SRBD1: variants seen among roughly 807,000 people sequenced by gnomAD.
The protein encoded by SRBD1 is S1 RNA binding domain 1, also known as S1 RNA-binding domain-containing protein 1.
Under a neutral mutation model 115.3 loss-of-function variants are expected in SRBD1, and 88 were observed. That is an observed-to-expected ratio of 0.76 (90% CI 0.64 to 0.91). The LOEUF is 0.91. SRBD1 is among the 40% of genes least tolerant of loss of function. The pLI, the probability that SRBD1 is intolerant of heterozygous loss-of-function variation, is 0.00. For synonymous variants in SRBD1, 509 were observed against 407.7 expected (o/e 1.25, Z -2.99); for missense variants, 1,385 against 1,177.4 (o/e 1.18, Z -2.58).
intron 16 of SRBD1, among the ~76,000 whole-genome samples, chr2:45,457,463 A>T (rs1255054236): frequency 6.6e-6 from 1 of 151,916 alleles, no homozygotes; most frequent in Admixed American, 6.6e-5. Flanking sequence ...TGCATATGAA[A>T]ATATTCACCT....
intron 16 of SRBD1, among the ~76,000 whole-genome samples, chr2:45,450,904 C>A (rs991107292): frequency 6.6e-6 from 1 of 152,114 alleles, no homozygotes; most frequent in African/African-American, 2.4e-5. Flanking sequence ...TCAATCAAAT[C>A]TGAGCATAAG....
Position 45,388,998 on chromosome 2 carries a change from C to T in SRBD1, c.*312G>A, listed in dbSNP as rs1666921702. The T allele has an allele frequency of 7.6e-6, 2 of 263,730 alleles. No homozygotes were observed. The highest frequency in any genetic ancestry group is 1.4e-5 in the Non-Finnish European group (2 of 139,150). The allele number at this position is 263,730 out of a possible 1,614,324, so 16.3% of individuals were successfully genotyped here. Reference sequence around the variant, plus strand: ...TGTTGGCAAGTAGAAGTTAAGCAATCTGTTATACAAAATGCAAAAGGAGTT... The same window carrying T: ...TGTTGGCAAGTAGAAGTTAAGCAATTTGTTATACAAAATGCAAAAGGAGTT... On this transcript the variant is annotated 3_prime_UTR_variant, in exon 21 of 21. Transcript: ENST00000263736.
intron 4 of SRBD1, among the ~76,000 whole-genome samples, chr2:45,591,426 T>C (rs1673720787): frequency 6.6e-6 from 1 of 152,172 alleles, no homozygotes; most frequent in Non-Finnish European, 1.5e-5. Flanking sequence ...CTGATTTGAG[T>C]AATACTAAAA....
intron 19 of SRBD1, among the ~76,000 whole-genome samples, chr2:45,407,162 T>C (rs2103844241): frequency 6.6e-6 from 1 of 152,288 alleles, no homozygotes; most frequent in South Asian, 2.1e-4. Context: ...ATAATAATAG[T>C]ACCAACCTCA....
chr2:45,580,502 C>T (rs185249550), intron 6 of SRBD1, among the ~76,000 whole-genome samples: 4 of 145,654 alleles, frequency 2.7e-5, no homozygotes, highest in East Asian at 4.0e-4. Flanking sequence ...CGCACCACTA[C>T]GTCCAGCTAT....
At chr2:45,552,333 ATTATT>A (rs1489205471) in intron 11 of SRBD1, among the ~76,000 whole-genome samples, 2 of 152,210 alleles carry the variant, frequency 1.3e-5, no homozygotes, top group Non-Finnish European at 2.9e-5. Flanking sequence ...AATAAGTTAT[ATTATT>A]TTAACCATGG....
At chr2:45,504,772 G>A (rs1255904197) in intron 14 of SRBD1, among the ~76,000 whole-genome samples, 1 of 152,052 alleles carries the variant, frequency 6.6e-6, no homozygotes, top group Admixed American at 6.6e-5. Context: ...AAGCGGCAAG[G>A]ACCTTAAACA....
intron 16 of SRBD1, among the ~76,000 whole-genome samples, chr2:45,458,144 T>C (rs1164715846): frequency 6.6e-6 from 1 of 152,078 alleles, no homozygotes; most frequent in Non-Finnish European, 1.5e-5. Context: ...TTGGAGTTTA[T>C]GAAAATAAAA....
At chr2:45,559,018 T>G (rs1329750266) in intron 10 of SRBD1, among the ~76,000 whole-genome samples, 1 of 152,108 alleles carries the variant, frequency 6.6e-6, no homozygotes, top group African/African-American at 2.4e-5. Context: ...AATTTCATGC[T>G]TCACTTCACC....
At chr2:45,477,194 T>A in intron 15 of SRBD1, 119 bp from the exon 16 acceptor site, 1 of 713,882 alleles carries the variant, frequency 1.4e-6, no homozygotes, top group South Asian at 2.0e-5. Flanking sequence ...ATCATCCCTC[T>A]AAAAAAGGCC....
intron 16 of SRBD1, among the ~76,000 whole-genome samples, chr2:45,435,636 G>A (rs1018319020): frequency 1.3e-5 from 2 of 150,744 alleles, no homozygotes; most frequent in Admixed American, 6.6e-5. Context: ...ATTACACAAA[G>A]CTGGGAGACA....
rs185868277 is a variant in SRBD1 at position 45,546,908 on chromosome 2, A to G, written c.1767-69T>C. On this transcript the variant is annotated intron_variant, in intron 13 of 20. Coordinates refer to ENST00000263736, the MANE Select transcript of SRBD1 (RefSeq NM_018079.5). ...CTTTGAAATCAGCTGGAGAAAATGT[A>G]CAGAATGCACAAATACTATTATATG... 54 of 1,397,716 alleles carry G rather than the reference A, an allele frequency of 3.9e-5. No homozygotes were observed. The East Asian group carries it at 9.6e-4, about 25-fold the overall frequency. 86.6% of individuals were successfully genotyped at this position (1,397,716 alleles called of 1,614,324 possible).
intron 16 of SRBD1, among the ~76,000 whole-genome samples, chr2:45,425,806 A>G (rs1282061374): frequency 1.3e-5 from 2 of 152,124 alleles, no homozygotes; most frequent in African/African-American, 4.8e-5. Flanking sequence ...GAGGAATGGT[A>G]CACTCTGCCC....
intron 16 of SRBD1, among the ~76,000 whole-genome samples, chr2:45,451,447 A>C (rs1410339830): frequency 6.6e-6 from 1 of 152,058 alleles, no homozygotes; most frequent in African/African-American, 2.4e-5. Context: ...GCAATTATAC[A>C]ATAAACTGAT....
chr2:45,599,251 C>G (rs992808527), intron 4 of SRBD1, among the ~76,000 whole-genome samples, 198 bp downstream of exon 4: 14 of 152,192 alleles, frequency 9.2e-5, no homozygotes, highest in African/African-American at 3.4e-4. Flanking sequence ...CACATCTTAG[C>G]TGAAGAACTG....
rs1188322109 is a variant in SRBD1, at chr2:45,464,283, C to G, written c.2049+12710G>C. Among the ~76,000 whole-genome samples, 4 of 152,162 alleles carry G rather than the reference C, an allele frequency of 2.6e-5. No individual in the cohort carries two copies. In the East Asian group the frequency reaches 7.7e-4, roughly 29 times the overall value. On this transcript the variant is annotated intron_variant, in intron 16 of 20. Coordinates refer to ENST00000263736, the MANE Select transcript of SRBD1 (RefSeq NM_018079.5). ...CACCTTTCAAGCAGGTGCTCACATA[C>G]AGAACTCCCACAGAAAGATCCAAGT...
chr2:45,566,259 G>A (rs1047990788), intron 9 of SRBD1, among the ~76,000 whole-genome samples: 5 of 152,126 alleles, frequency 3.3e-5, no homozygotes, highest in African/African-American at 7.2e-5. Context: ...ACTTAGACAC[G>A]AATGTTCATA....
intron 16 of SRBD1, among the ~76,000 whole-genome samples, chr2:45,472,520 T>C (rs1669679661): frequency 6.6e-6 from 1 of 152,220 alleles, no homozygotes; most frequent in African/African-American, 2.4e-5. Flanking sequence ...TCATCCAGGC[T>C]GGAGTGCAGT....
intron 16 of SRBD1, among the ~76,000 whole-genome samples, chr2:45,472,166 A>G (rs1669668940): frequency 6.6e-6 from 1 of 152,306 alleles, no homozygotes; most frequent in African/African-American, 2.4e-5. Flanking sequence ...ATAAAGAAGA[A>G]TGAAGTACTG....
Sources: gnomAD v4.1 joint callset for allele counts (sites outside exome capture counted in the v4.1 genomes callset) on GRCh38, gnomAD v4.1.1 for gene constraint, MANE v1.5 for transcripts, NCBI Gene and HGNC (gene_info 2026-07-23, HGNC 2026-07-21) for gene names.